Variants in CABLES1 observed in about 807,000 individuals in gnomAD.
The protein encoded by CABLES1 is Cdk5 and Abl enzyme substrate 1.
Under a neutral mutation model 57.8 loss-of-function variants are expected in CABLES1, and 36 were observed. The observed-to-expected ratio is 0.62, with a 90% CI of 0.48 to 0.82. CABLES1 has a LOEUF of 0.82. CABLES1 is among the 40% of genes least tolerant of loss of function. The pLI, the probability that CABLES1 is intolerant of heterozygous loss-of-function variation, is 0.00. For missense variants in CABLES1, 767 were observed against 836.6 expected (o/e 0.92, Z 1.03); for synonymous variants, 374 against 363.0 (o/e 1.03, Z -0.35).
At chr18:23,204,470 A>G (rs930333652) in intron 3 of CABLES1, 1 of 152,270 alleles carries the variant, frequency 6.6e-6, no homozygotes, top group African/African-American at 2.4e-5. Context: ...TTGAAGAAAT[A>G]AAAGCAGTCA....
chr18:23,136,057 G>GGCGGCGCCT lies in CABLES1; in HGVS notation c.303_311dup (p.Cys102_Ala104dup), dbSNP rs1227422044. The GGCGGCGCCT allele has an allele frequency of 4.3e-6, 3 of 703,648 alleles. No individual in the cohort carries two copies. In the East Asian group the frequency reaches 2.3e-4, roughly 53 times the overall value. 43.6% of individuals were successfully genotyped at this position (703,648 alleles called of 1,614,324 possible). On this transcript the variant is annotated inframe_insertion, in exon 1 of 10. Transcript: ENST00000256925. ...GGGCGGCGCGGCCAAGCCGGGCGCCGGCGGCGCCTGCGGCGCGAGGACTCG... is the reference window on the plus strand; with the variant it reads ...GGGCGGCGCGGCCAAGCCGGGCGCCGGCGGCGCCTGCGGCGCCTGCGGCGCGAGGACTCG...
Position 23,251,476 on chromosome 18 carries a change from G to A in CABLES1, c.1447-1484G>A, listed in dbSNP as rs17202479. On this transcript the variant is annotated intron_variant, in intron 7 of 9. Transcript: ENST00000256925. The stretch of plus-strand genomic sequence containing the variant: ...AAAAAAAATAAAAAAAGATTATGGC[G>A]TGTAGTCAGCCAAAAAAGACCCAGC... Among the ~76,000 whole-genome samples, 385 of 152,082 alleles carry A rather than the reference G, an allele frequency of 2.5e-3. 2 individuals carry two copies. The highest frequency in any genetic ancestry group is 4.3e-3 in the Non-Finnish European group (293 of 67,964).
At chr18:23,203,926 AG>A (rs1255751596) in intron 3 of CABLES1, among the ~76,000 whole-genome samples, 1 of 152,150 alleles carries the variant, frequency 6.6e-6, no homozygotes. Flanking sequence ...CAGTGGCAGA[AG>A]GCGGCAGGAA....
chr18:23,248,905 T>G (rs1209504577), intron 7 of CABLES1, among the ~76,000 whole-genome samples: 1 of 152,224 alleles, frequency 6.6e-6, no homozygotes, highest in African/African-American at 2.4e-5. Context: ...ATAACCTAAG[T>G]TGGCATTTCA....
chr18:23,250,071 T>C (rs2048000535), intron 7 of CABLES1, among the ~76,000 whole-genome samples: 1 of 152,166 alleles, frequency 6.6e-6, no homozygotes, highest in South Asian at 2.1e-4. Flanking sequence ...GTGTTATATC[T>C]ACAAATAAGA....
chr18:23,222,722 C>T (rs997506180), intron 4 of CABLES1, among the ~76,000 whole-genome samples: 1 of 152,136 alleles, frequency 6.6e-6, no homozygotes, highest in Non-Finnish European at 1.5e-5. Flanking sequence ...GGCACCTCAT[C>T]CTTGAGGGCA....
chr18:23,245,841 C>T (rs2047863579), intron 7 of CABLES1, among the ~76,000 whole-genome samples: 1 of 152,262 alleles, frequency 6.6e-6, no homozygotes, highest in African/African-American at 2.4e-5. Flanking sequence ...GCGGAATGAG[C>T]ACCCTTGCAA....
chr18:23,147,639 G>A (rs571922725), intron 1 of CABLES1, among the ~76,000 whole-genome samples: 3 of 152,368 alleles, frequency 2.0e-5, no homozygotes, highest in South Asian at 4.1e-4. Context: ...CAGAGCAGCA[G>A]AGAGAAACAG....
chr18:23,238,112 C>T (rs971428150), intron 7 of CABLES1, among the ~76,000 whole-genome samples: 1 of 152,260 alleles, frequency 6.6e-6, no homozygotes, highest in Admixed American at 6.5e-5. Flanking sequence ...TTCCCTCCCT[C>T]CTGTGCTCCC....
At chr18:23,247,918 G>A (rs561971124) in intron 7 of CABLES1, among the ~76,000 whole-genome samples, 8 of 152,344 alleles carry the variant, frequency 5.3e-5, no homozygotes, top group Non-Finnish European at 8.8e-5. Flanking sequence ...CAAGGGTCTC[G>A]CAGCATCTGC....
intron 3 of CABLES1, among the ~76,000 whole-genome samples, chr18:23,204,896 C>G (rs527403801): frequency 1.0e-3 from 158 of 152,310 alleles, no homozygotes; most frequent in Non-Finnish European, 1.8e-3. Context: ...CATCGGGTCC[C>G]TCCCACAACA....
intron 3 of CABLES1, chr18:23,197,768 G>A (rs1598824571): frequency 6.6e-6 from 1 of 152,222 alleles, no homozygotes; most frequent in Non-Finnish European, 1.5e-5. Context: ...GGACCTGGAG[G>A]GAGGTCATGT....
chr18:23,226,496 C>G (rs975310795), intron 4 of CABLES1, among the ~76,000 whole-genome samples: 3 of 151,984 alleles, frequency 2.0e-5, no homozygotes, highest in Non-Finnish European at 4.4e-5. Context: ...CCTCATACAC[C>G]CTCTGACCTT....
chr18:23,234,475 G>A (rs1458688708), intron 4 of CABLES1, 133 bp from the exon 5 acceptor site: 6 of 685,972 alleles, frequency 8.7e-6, no homozygotes, highest in African/African-American at 1.8e-5. Flanking sequence ...GAGGGACAAC[G>A]GGCTGTCCCA....
In CABLES1 at chr18:23,253,937, G is replaced by A. The variant is rs1390264233; in HGVS notation, c.1761+1G>A. The A allele has an allele frequency of 1.1e-5, 17 of 1,613,696 alleles. No homozygotes were observed. Among genetic ancestry groups the A allele is most frequent in the Non-Finnish European group, 1.4e-5 (16 of 1,179,726 alleles). ...ACACGAAGTCAAGCATTTAATTGACGTAAGTAGCCTTTTTCCTGGTGGCTG... is the reference window on the plus strand; with the variant it reads ...ACACGAAGTCAAGCATTTAATTGACATAAGTAGCCTTTTTCCTGGTGGCTG... On this transcript the variant is annotated splice_donor_variant, in intron 9 of 9. Coordinates refer to ENST00000256925, the MANE Select transcript of CABLES1 (RefSeq NM_001100619.3). LOFTEE classifies it high-confidence loss of function.
At chr18:23,171,029 C>G (rs2047078607) in intron 1 of CABLES1, among the ~76,000 whole-genome samples, 2 of 152,224 alleles carry the variant, frequency 1.3e-5, no homozygotes, top group Non-Finnish European at 2.9e-5. Flanking sequence ...AACTCCTGAC[C>G]TCATGATCCG....
chr18:23,148,761 C>T (rs2046909109), intron 1 of CABLES1, among the ~76,000 whole-genome samples: 1 of 152,164 alleles, frequency 6.6e-6, no homozygotes, highest in Admixed American at 6.5e-5. Context: ...TGGCAAAGCA[C>T]ATTGGATGCT....
At chr18:23,208,371 T>TTGG (rs1017986347) in intron 3 of CABLES1, among the ~76,000 whole-genome samples, 3 of 152,064 alleles carry the variant, frequency 2.0e-5, no homozygotes, top group African/African-American at 4.8e-5. Flanking sequence ...GAACATTTTG[T>TTGG]TGGTGGTGGT....
intron 3 of CABLES1, among the ~76,000 whole-genome samples, chr18:23,213,325 A>T (rs944971323): frequency 2.4e-4 from 36 of 152,148 alleles, no homozygotes; most frequent in African/African-American, 8.4e-4. Context: ...TTATTCTCAG[A>T]TGCCAGGATA....
Sources: allele counts gnomAD v4.1 joint callset (sites outside exome capture counted in the v4.1 genomes callset), GRCh38; gene constraint gnomAD v4.1.1; transcripts MANE v1.5; gene names NCBI Gene and HGNC (gene_info 2026-07-23, HGNC 2026-07-21).